NGF: variants seen among roughly 807,000 people sequenced by gnomAD.
NGF encodes the protein beta-nerve growth factor.
Under a neutral mutation model 12.8 loss-of-function variants are expected in NGF, and 4 were observed. The ratio of observed to expected loss-of-function variants is 0.31; its 90% CI spans 0.15 to 0.72. The LOEUF (loss-of-function observed/expected upper bound fraction) is 0.72, where lower values mean the gene tolerates loss of function less well. Ranked by LOEUF, NGF falls within the 30% of genes least tolerant of loss-of-function variation. NGF has a pLI of 0.69. For synonymous variants in NGF, 140 were observed against 130.0 expected (o/e 1.08, Z -0.52); for missense variants, 283 against 330.8 (o/e 0.86, Z 1.12).
In NGF at chr1:115,319,793, T is replaced by A. The variant is rs1654568407; in HGVS notation, c.-137+18411A>T. ...CCAGTGGCCTGAGTTTTTCCTTATA[T>A]TAAGGAAGAACAATGTCAGCCTAGC... On this transcript the variant is annotated intron_variant, in intron 1 of 2. Transcript: ENST00000369512. Among the ~76,000 whole-genome samples, 2 of 152,116 alleles carry A rather than the reference T, an allele frequency of 1.3e-5. 1 individual carries two copies. The highest frequency in any genetic ancestry group is 6.3e-3 in the Middle Eastern group (2 of 316).
intron 1 of NGF, among the ~76,000 whole-genome samples, chr1:115,302,011 T>A (rs1366467834): frequency 6.6e-6 from 1 of 152,234 alleles, no homozygotes; most frequent in Admixed American, 6.5e-5. Flanking sequence ...TCTGCTGGAT[T>A]AACTTCTTGA....
intron 1 of NGF, among the ~76,000 whole-genome samples, chr1:115,326,831 T>C (rs1441565617): frequency 6.6e-6 from 1 of 152,170 alleles, no homozygotes; most frequent in Non-Finnish European, 1.5e-5. Context: ...CCATCTTACC[T>C]TCTGTGTCTA....
intron 2 of NGF, among the ~76,000 whole-genome samples, chr1:115,292,533 T>A (rs1653734100): frequency 6.6e-6 from 1 of 152,220 alleles, no homozygotes; most frequent in African/African-American, 2.4e-5. Flanking sequence ...CCTAATTCTT[T>A]AACTTTGTAG....
At chr1:115,320,125 C>T (rs1342403023) in intron 1 of NGF, among the ~76,000 whole-genome samples, 1 of 152,090 alleles carries the variant, frequency 6.6e-6, no homozygotes, top group Admixed American at 6.5e-5. Context: ...AGGAGAAGGA[C>T]CAGGCCTTTG....
intron 1 of NGF, among the ~76,000 whole-genome samples, chr1:115,302,170 A>G (rs1416087466): frequency 1.3e-5 from 2 of 152,234 alleles, no homozygotes; most frequent in Non-Finnish European, 2.9e-5. Flanking sequence ...GGAAATAACA[A>G]GTGGTCCCAA....
intron 1 of NGF, among the ~76,000 whole-genome samples, chr1:115,301,913 G>T (rs920962623): frequency 1.3e-5 from 2 of 152,212 alleles, no homozygotes; most frequent in Non-Finnish European, 2.9e-5. Flanking sequence ...TGCAGAAAAA[G>T]TGAATCACAA....
chr1:115,333,682 TTTCTTTCTTTC>T (rs201588720), intron 1 of NGF, among the ~76,000 whole-genome samples: 18,203 of 90,414 alleles, frequency 0.2, 1,540 homozygotes, highest in East Asian at 0.43. Context: ...TCTTTCTTTC[TTTCTTTCTTTC>T]TTTCTTTCTT....
intron 1 of NGF, among the ~76,000 whole-genome samples, chr1:115,319,538 C>G (rs999244707): frequency 6.6e-6 from 1 of 152,176 alleles, no homozygotes; most frequent in African/African-American, 2.4e-5. Context: ...TAGTAGAACT[C>G]AAAACTCACC....
chr1:115,288,290 C>T (rs78102341), intron 2 of NGF, among the ~76,000 whole-genome samples: 3,206 of 152,186 alleles, frequency 0.021, 110 homozygotes, highest in African/African-American at 0.073. Flanking sequence ...GTTAGAAAAT[C>T]GTGTTTGGAT....
chr1:115,287,955 G>A (rs938512946), intron 2 of NGF, among the ~76,000 whole-genome samples: 3 of 152,282 alleles, frequency 2.0e-5, no homozygotes, highest in Admixed American at 1.3e-4. Context: ...TGTAGCAAAC[G>A]TCAGCTCCTC....
intron 1 of NGF, among the ~76,000 whole-genome samples, chr1:115,314,473 T>C (rs1017850709): frequency 6.6e-6 from 1 of 152,232 alleles, no homozygotes; most frequent in Non-Finnish European, 1.5e-5. Context: ...ACGCTTCTTG[T>C]AGATGATATG....
intron 1 of NGF, among the ~76,000 whole-genome samples, chr1:115,317,684 G>C (rs1156515356): frequency 6.6e-6 from 1 of 152,080 alleles, no homozygotes; most frequent in Non-Finnish European, 1.5e-5. Context: ...AAGAAGTTGC[G>C]GCCAAGCTAC....
Position 115,337,603 on chromosome 1 carries a change from C to T in NGF, c.-137+601G>A, listed in dbSNP as rs1655167311. Among the ~76,000 whole-genome samples the T allele has an allele frequency of 1.3e-5, 2 of 152,126 alleles. 1 individual carries two copies. ...ACGGACCCCGGCGTTGGCTCGCAGA[C>T]TTCCTGCGTTAACCCCCGGGGCCCT... On this transcript the variant is annotated intron_variant, in intron 1 of 2. Coordinates refer to ENST00000369512, the MANE Select transcript of NGF (RefSeq NM_002506.3).
intron 2 of NGF, among the ~76,000 whole-genome samples, chr1:115,292,127 C>T (rs369948321): frequency 1.6e-4 from 24 of 152,218 alleles, no homozygotes; most frequent in African/African-American, 5.3e-4. Context: ...TGTAAAGGCT[C>T]GAATACTCTT....
At position 115,301,024 on chromosome 1, in the gene NGF, A is replaced by G. The variant is rs542319548; in HGVS notation, c.-136-7274T>C. Among the ~76,000 whole-genome samples, 12 of 152,318 alleles carry G rather than the reference A, an allele frequency of 7.9e-5. No homozygotes were observed. The South Asian group carries it at 2.5e-3, about 32-fold the overall frequency. On this transcript the variant is annotated intron_variant, in intron 1 of 2. Transcript: ENST00000369512. ...ATCTCAGGAGGAAAGGTCAGGAGAG[A>G]TGAAAACCTGCTGTCCTTTCTAAAG...
At chr1:115,311,575 C>T (rs1654336251) in intron 1 of NGF, among the ~76,000 whole-genome samples, 2 of 152,172 alleles carry the variant, frequency 1.3e-5, no homozygotes, top group Admixed American at 1.3e-4. Context: ...CTATAATGCA[C>T]AGGACTGCCT....
intron 1 of NGF, among the ~76,000 whole-genome samples, chr1:115,329,418 C>A (rs1654854086): frequency 6.6e-6 from 1 of 152,214 alleles, no homozygotes; most frequent in South Asian, 2.1e-4. Context: ...AGAGTTGGGA[C>A]TTAACCCCAA....
At chr1:115,305,460 C>T (rs75972668) in intron 1 of NGF, among the ~76,000 whole-genome samples, 1,941 of 152,294 alleles carry the variant, frequency 0.013, 42 homozygotes, top group African/African-American at 0.044. Flanking sequence ...ACAGTTCCAC[C>T]CTCTGGGTTT....
intron 1 of NGF, among the ~76,000 whole-genome samples, chr1:115,337,490 G>C (rs544465984): frequency 1.1e-4 from 16 of 152,056 alleles, no homozygotes; most frequent in African/African-American, 3.6e-4. Flanking sequence ...TGGAGATGAA[G>C]CGTGTGACCC....
Sources: gnomAD v4.1 joint callset for allele counts (sites outside exome capture counted in the v4.1 genomes callset) on GRCh38, gnomAD v4.1.1 for gene constraint, MANE v1.5 for transcripts, NCBI Gene and HGNC (gene_info 2026-07-23, HGNC 2026-07-21) for gene names.